DPEP2: variants seen among roughly 807,000 people sequenced by gnomAD.
The protein encoded by DPEP2 is dipeptidase 2.
In DPEP2, 45 loss-of-function variants were observed where a neutral mutation model predicts 51.8. That is an observed-to-expected ratio of 0.87 (90% CI 0.68 to 1.11). The LOEUF (loss-of-function observed/expected upper bound fraction) is 1.11. Among genes scored for constraint, DPEP2 ranks in the 50% most tolerant of loss-of-function variants. The pLI is 0.00. For synonymous variants in DPEP2, 255 were observed against 262.7 expected, an observed-to-expected ratio of 0.97 and a Z score of 0.28; for missense variants, 604 against 631.9, an observed-to-expected ratio of 0.96 and a Z score of 0.47.
chr16:67,991,242 A>G lies in DPEP2; in HGVS notation c.663-58T>C. On this transcript the variant is annotated intron_variant, in intron 5 of 10. Coordinates refer to ENST00000393847, the MANE Select transcript of DPEP2 (RefSeq NM_022355.4). The surrounding 1 kb of genome is among the most constrained non-coding windows in gnomAD (Gnocchi z 5.1). ...AGCTGTTCCTCGGCCTCAAGAGTCT[A>G]GAGGCCCTACCCACCCTCCATCCCT... 1 of 1,560,248 alleles carries G rather than the reference A, an allele frequency of 6.4e-7. No homozygotes were observed. The highest frequency in any genetic ancestry group is 8.8e-7 in the Non-Finnish European group (1 of 1,137,980).
chr16:67,987,650 C>A lies in DPEP2; in HGVS notation c.1317G>T (p.Leu439=), dbSNP rs2031554358. 4 of 1,614,206 alleles carry A rather than the reference C, an allele frequency of 2.5e-6. No homozygotes were observed. The East Asian group carries it at 8.9e-5, about 36-fold the overall frequency. The part of the protein sequence containing the change: ...DLSRLRQRQS[L]TSGQELTEIP... Reference sequence around the variant, plus strand: ...TCTCAGTGAGTTCCTGGCCTGAAGTCAGACTCTGTCTCTGACGCAGACGTG... The same window carrying A: ...TCTCAGTGAGTTCCTGGCCTGAAGTAAGACTCTGTCTCTGACGCAGACGTG... Residue 439 remains leucine (L), a synonymous_variant, in exon 11 of 11, where the codon CTG becomes CTT. Transcript: ENST00000393847.
chr16:67,990,008 A>G (rs775921681), intron 8 of DPEP2, 39 bp downstream of exon 8: 2 of 1,608,790 alleles, frequency 1.2e-6, no homozygotes, highest in South Asian at 2.2e-5. Flanking sequence ...CTTCAGGTGC[A>G]AATCAGAACT....
chr16:68,000,420 G>A (rs565918002), upstream of DPEP2: 110 of 985,046 alleles, frequency 1.1e-4, no homozygotes, highest in Middle Eastern at 5.2e-4. Context: ...TGCTCAGAGC[G>A]CAGAGGTGGG....
intron 2 of DPEP2, 70 bp downstream of exon 2, chr16:67,992,880 C>A: frequency 6.5e-7 from 1 of 1,536,372 alleles, no homozygotes; most frequent in Non-Finnish European, 8.8e-7. Context: ...CACAGCCCTG[C>A]ATACTCTGGG....
chr16:67,999,801 C>G (rs1368539045), upstream of DPEP2: 2 of 152,006 alleles, frequency 1.3e-5, no homozygotes, highest in Admixed American at 1.3e-4. Flanking sequence ...CAGGTACTTA[C>G]GAGGCTGAGG....
In DPEP2 at chr16:67,991,920, C is replaced by T. The variant is rs748950745; in HGVS notation, c.580G>A (p.Asp194Asn). 3 of 1,614,134 alleles carry T rather than the reference C, an allele frequency of 1.9e-6. No homozygotes were observed. In the South Asian group the frequency reaches 3.3e-5, roughly 18 times the overall value. Residue 194 changes from aspartate (D) to asparagine (N), a missense_variant, in exon 5 of 11, where the codon GAC (aspartate) becomes AAC (asparagine). Transcript: ENST00000393847. The surrounding 1 kb of genome is among the most constrained non-coding windows in gnomAD (Gnocchi z 5.1). ...GTACGTAAGATGGAGAGGCTATTGT[C>T]CAGCGAGTGGCCACCCTCTACACCG... The part of the protein sequence containing the change: ...LIGVEGGHSL[D>N]NSLSILRTFY...
At chr16:67,999,774 G>A (rs1380351789), upstream of DPEP2, 1 of 152,128 alleles carries the variant, frequency 6.6e-6, no homozygotes, top group Non-Finnish European at 1.5e-5. Context: ...AAAAAAAGTG[G>A]TGCATGCCTG....
intron 1 of DPEP2, chr16:67,994,864 G>T (rs1268544760): frequency 1.0e-6 from 1 of 985,396 alleles, no homozygotes; most frequent in Non-Finnish European, 1.2e-6. Context: ...AGTGCTCGAG[G>T]TGGGTTAACT....
At chr16:67,992,844 CA>C (rs1232509581) in intron 2 of DPEP2, 105 bp downstream of exon 2, 1 of 1,490,946 alleles carries the variant, frequency 6.7e-7, no homozygotes, top group Non-Finnish European at 8.9e-7. Flanking sequence ...AGAGGGCATC[CA>C]GGGGTGGTGT....
In DPEP2 at chr16:67,992,043, G is replaced by T; in HGVS notation, c.520+21C>A. 3 of 1,614,022 alleles carry T rather than the reference G, an allele frequency of 1.9e-6. No individual in the cohort carries two copies. In the East Asian group the frequency reaches 6.7e-5, roughly 36 times the overall value. ...GGAGTAGCTCAATCAAGTTCCTAAC[G>T]CTTCCCATCAACTTGCCTACCTTTA... On this transcript the variant is annotated intron_variant, in intron 4 of 10. Transcript: ENST00000393847.
At position 67,989,428 on chromosome 16, in the gene DPEP2, G is replaced by C. The variant is rs745690614; in HGVS notation, c.995-30C>G. 4 of 1,612,716 alleles carry C rather than the reference G, an allele frequency of 2.5e-6. No individual in the cohort carries two copies. The Admixed American group carries it at 6.7e-5, about 27-fold the overall frequency. ...GGAGGGGGAAGGTGGACAGTCAGCT[G>C]CGTAGGGCTTCCAGGGCAGGGGTGC... On this transcript the variant is annotated intron_variant, in intron 8 of 10. Coordinates refer to ENST00000393847, the MANE Select transcript of DPEP2 (RefSeq NM_022355.4).
Position 67,992,083 on chromosome 16 carries a change from C to T in DPEP2, c.501G>A (p.Glu167=). Reference sequence around the variant, plus strand: ...GCCTACCTTTAGCCGAGGTCACAAGCTCCAGCTCAGAATAGGAGGCACACA... The same window carrying T: ...GCCTACCTTTAGCCGAGGTCACAAGTTCCAGCTCAGAATAGGAGGCACACA... ...RRMCASYSEL[E]LVTSAKALND... Residue 167 remains glutamate, a synonymous_variant, in exon 4 of 11, where the codon GAG becomes GAA. Coordinates refer to ENST00000393847, the MANE Select transcript of DPEP2 (RefSeq NM_022355.4). 1 of 1,614,182 alleles carries T rather than the reference C, an allele frequency of 6.2e-7. No homozygotes were observed. Among genetic ancestry groups the T allele is most frequent in the Admixed American group, 1.7e-5 (1 of 60,018 alleles).
Position 67,991,186 on chromosome 16 carries a change from T to C in DPEP2, c.663-2A>G, listed in dbSNP as rs1302176758. On this transcript the variant is annotated splice_acceptor_variant, in intron 5 of 10. Transcript: ENST00000393847. LOFTEE classifies it high-confidence loss of function. The surrounding 1 kb of genome is among the most constrained non-coding windows in gnomAD (Gnocchi z 5.1). ...ACGCCCTTAGCGGAGCTCTCTGCCC[T>C]GCAGGGTGGCCAGGAAGCAGTCTGA... The C allele has an allele frequency of 8.1e-6, 13 of 1,612,562 alleles. No homozygotes were observed. The highest frequency in any genetic ancestry group is 1.1e-5 in the Non-Finnish European group (13 of 1,180,006).
rs774095703 is a variant in DPEP2 at position 67,990,856 on chromosome 16, C to G, written c.874G>C (p.Ala292Pro). Residue 292 changes from alanine to proline, a missense_variant, in exon 7 of 11, where the codon GCT (alanine) becomes CCT (proline). Coordinates refer to ENST00000393847, the MANE Select transcript of DPEP2 (RefSeq NM_022355.4). ...AGGATGTCATCAGGAACATTCCGAG[C>G]ACTGTTGCACACACCCCGGGCAGCC... Reference protein sequence around the residue: ...HSAARGVCNSARNVPDDILQL... With the variant: ...HSAARGVCNSPRNVPDDILQL... 1 of 1,614,040 alleles carries G rather than the reference C, an allele frequency of 6.2e-7. No homozygotes were observed. The highest frequency in any genetic ancestry group is 2.2e-5 in the East Asian group (1 of 44,868).
intron 1 of DPEP2, among the ~76,000 whole-genome samples, chr16:67,998,494 C>T (rs965971437): frequency 1.3e-5 from 2 of 152,190 alleles, no homozygotes; most frequent in African/African-American, 4.8e-5. Flanking sequence ...GCCTGAGCCT[C>T]CCACCCCCTC....
intron 9 of DPEP2, 119 bp from the exon 10 acceptor site, chr16:67,988,106 G>C: frequency 7.6e-7 from 1 of 1,310,544 alleles, no homozygotes; most frequent in Non-Finnish European, 1.1e-6. Context: ...GACTTGGAGA[G>C]AGTAGGTAAT....
In DPEP2 at chr16:67,987,760, C is replaced by T; in HGVS notation, c.1207G>A (p.Val403Ile). 6.2e-7 allele frequency: 1 copy of T among 1,613,052 alleles called. No homozygotes were observed. The highest frequency in any genetic ancestry group is 8.5e-7 in the Non-Finnish European group (1 of 1,179,044). The change falls in exon 11 of 11, where the codon GTA (valine) becomes ATA (isoleucine). Residue 403 changes from valine (V) to isoleucine (I), a missense_variant and splice_region_variant. Val to Ile is a conservative substitution (Grantham distance 29). Transcript: ENST00000393847. ...LLRVFRQVEK[V>I]QEENKWQSPL... ...CTTTGCCATTTGTTTTCTTCCTGTA[C>T]CTAGAGGTGGCAGTCGGTGCTCAGC...
chr16:67,987,949 A>T lies in DPEP2; in HGVS notation c.1109T>A (p.Val370Asp), dbSNP rs1372611838. ...QGLEDVSTYP[V>D]LIEELLSRGW... ...ACGACTCAGCAACTCCTCTATCAGG[A>T]CCGGGTATGTGGACACGTCTTCCAG... Residue 370 changes from valine to aspartate, a missense_variant, in exon 10 of 11, where the codon GTC (valine) becomes GAC (aspartate). Transcript: ENST00000393847. 1 of 1,614,058 alleles carries T rather than the reference A, an allele frequency of 6.2e-7. No homozygotes were observed.
At chr16:67,999,032 C>G (rs1350206787) in intron 1 of DPEP2, among the ~76,000 whole-genome samples, 1 of 152,174 alleles carries the variant, frequency 6.6e-6, no homozygotes, top group African/African-American at 2.4e-5. Context: ...AAGCAGGCTG[C>G]CTGAGCCCGC....
Sources: gnomAD v4.1 joint callset for allele counts (sites outside exome capture counted in the v4.1 genomes callset) on GRCh38, gnomAD v4.1.1 for gene constraint, Gnocchi (gnomAD v3.1) non-coding constraint, MANE v1.5 for transcripts, NCBI Gene and HGNC (gene_info 2026-07-23, HGNC 2026-07-21) for gene names.